Variants in KLRF2 observed in about 807,000 individuals in gnomAD.
The protein encoded by KLRF2 is killer cell lectin-like receptor subfamily F member 2.
In KLRF2, 28 loss-of-function variants were observed where a neutral mutation model predicts 25.3. The ratio of observed to expected loss-of-function variants is 1.11; its 90% confidence interval spans 0.82 to 1.52. The LOEUF is 1.52. Among genes scored for constraint, KLRF2 ranks in the 40% most tolerant of loss-of-function variants. The pLI is 0.00. For synonymous variants in KLRF2, 73 were observed against 85.0 expected (o/e 0.86, Z 0.78); for missense variants, 265 against 245.8 (o/e 1.08, Z -0.52).
At position 9,888,102 on chromosome 12, in the gene KLRF2, A is replaced by G. The variant is rs546228447; in HGVS notation, c.170-631A>G. ...TAAGAATAGTAATAAAAATGAAAAA[A>G]AAAAAGAAAACAGAATGTCAATTAA... On this transcript the variant is annotated intron_variant, in intron 2 of 5. Transcript: ENST00000535540. Among the ~76,000 whole-genome samples the G allele has an allele frequency of 6.7e-3, 1,020 of 151,288 alleles. 9 individuals carry two copies. The highest frequency in any genetic ancestry group is 9.5e-3 in the Non-Finnish European group (645 of 67,846).
At chr12:9,882,789 C>CA (rs5796371) in intron 1 of KLRF2, among the ~76,000 whole-genome samples, 1 of 151,246 alleles carries the variant, frequency 6.6e-6, no homozygotes, top group Non-Finnish European at 1.5e-5. Context: ...TATAAAAAAA[C>CA]AAAAAAAATT....
Position 9,885,035 on chromosome 12 carries a change from GAGTAGTA to G in KLRF2, c.169+5_169+11del. ...AGGGATTGACCTGAAGTTCTGGCGT[GAGTAGTA>G]AATTTTTATTTATTTGAACATTTTC... On this transcript the variant is annotated splice_donor_5th_base_variant and intron_variant, in intron 2 of 5. Transcript: ENST00000535540. 6.8e-6 allele frequency: 8 copies of G among 1,173,002 alleles called. No homozygotes were observed. The highest frequency in any genetic ancestry group is 8.8e-6 in the Non-Finnish European group (8 of 912,824). 72.7% of individuals were successfully genotyped at this position (1,173,002 alleles called of 1,614,324 possible). A position where few individuals can be genotyped will look rare whatever the true frequency, so the allele number is the denominator to read the frequency against.
intron 1 of KLRF2, among the ~76,000 whole-genome samples, chr12:9,882,644 G>A (rs1292037391): frequency 6.6e-6 from 1 of 152,156 alleles, no homozygotes; most frequent in Non-Finnish European, 1.5e-5. Flanking sequence ...AGCTGGGTAT[G>A]GTGGCGTGTG....
intron 5 of KLRF2, among the ~76,000 whole-genome samples, chr12:9,894,851 T>C (rs935558253): frequency 6.6e-6 from 1 of 152,018 alleles, no homozygotes; most frequent in African/African-American, 2.4e-5. Flanking sequence ...CTAATTTTTA[T>C]TATAATTAAT....
intron 2 of KLRF2, among the ~76,000 whole-genome samples, chr12:9,885,386 C>T (rs1020039581): frequency 6.6e-6 from 1 of 151,562 alleles, no homozygotes; most frequent in Non-Finnish European, 1.5e-5. Flanking sequence ...GGTAGACTTC[C>T]AGACTTTTTT....
At chr12:9,887,497 A>T (rs893038482) in intron 2 of KLRF2, among the ~76,000 whole-genome samples, 13 of 152,176 alleles carry the variant, frequency 8.5e-5, no homozygotes, top group African/African-American at 3.1e-4. Context: ...TAATCAAGTA[A>T]ATATTTTTTC....
chr12:9,890,423 T>G (rs971609197), intron 3 of KLRF2, among the ~76,000 whole-genome samples: 5 of 152,332 alleles, frequency 3.3e-5, no homozygotes, highest in South Asian at 4.1e-4. Context: ...AAGCTCTCTC[T>G]TACGGTGTTG....
rs59382110 is a variant in KLRF2, at chr12:9,888,054, C to CAA, written c.170-660_170-659dup. Reference sequence around the variant, plus strand: ...TAGGTGACAAAGCCAGACCCTGTGTCAAAAAAAAAAAAAAAAAAAAGTTAA... The same window carrying CAA: ...TAGGTGACAAAGCCAGACCCTGTGTCAAAAAAAAAAAAAAAAAAAAAAGTTAA... On this transcript the variant is annotated intron_variant, in intron 2 of 5. Transcript: ENST00000535540. 1.6e-3 allele frequency among the ~76,000 whole-genome samples: 102 copies of CAA among 65,482 alleles called. 4 individuals carry two copies. Among genetic ancestry groups the CAA allele is most frequent in the African/African-American group, 5.5e-3 (75 of 13,684 alleles). The allele number at this position is 65,482 out of a possible 152,430, so 43.0% of individuals were successfully genotyped here.
chr12:9,887,023 A>G (rs1174213944), intron 2 of KLRF2, among the ~76,000 whole-genome samples: 1 of 152,190 alleles, frequency 6.6e-6, no homozygotes, highest in Non-Finnish European at 1.5e-5. Context: ...GAAAAAAAAC[A>G]TAAATAAATA....
chr12:9,883,357 G>A (rs1203971338), intron 1 of KLRF2, among the ~76,000 whole-genome samples: 2 of 152,184 alleles, frequency 1.3e-5, no homozygotes, highest in Non-Finnish European at 2.9e-5. Flanking sequence ...ATAGCCCTGT[G>A]TAAGCCAATG....
chr12:9,881,781 G>A (rs1223059340), intron 1 of KLRF2, 116 bp downstream of exon 1: 6 of 782,602 alleles, frequency 7.7e-6, no homozygotes, highest in Non-Finnish European at 1.2e-5. Context: ...ATATAAAAAT[G>A]GTCATAAATT....
chr12:9,889,035 T>C (rs1417571846), intron 3 of KLRF2, among the ~76,000 whole-genome samples: 1 of 152,190 alleles, frequency 6.6e-6, no homozygotes, highest in Non-Finnish European at 1.5e-5. Context: ...ATAGTGGATT[T>C]CCTGCCATAC....
chr12:9,886,742 G>A (rs1220602097), intron 2 of KLRF2, among the ~76,000 whole-genome samples: 1 of 145,660 alleles, frequency 6.9e-6, no homozygotes, highest in Non-Finnish European at 1.5e-5. Flanking sequence ...TTTACACAGT[G>A]GATTTTGCCC....
At position 9,893,080 on chromosome 12, in the gene KLRF2, C is replaced by T. The variant is rs192769469; in HGVS notation, c.278C>T (p.Ser93Leu). Reference protein sequence around the residue: ...LLNEGKCYWFSTSFKTWKESQ... With the variant: ...LLNEGKCYWFLTSFKTWKESQ... Reference sequence around the variant, plus strand: ...AACGAAGGGAAATGTTACTGGTTTTCAACTTCTTTTAAAACGTGGAAAGAG... The same window carrying T: ...AACGAAGGGAAATGTTACTGGTTTTTAACTTCTTTTAAAACGTGGAAAGAG... Residue 93 changes from serine to leucine, a missense_variant, in exon 4 of 6, where the codon TCA becomes TTA. Coordinates refer to ENST00000535540, the MANE Select transcript of KLRF2 (RefSeq NM_001190765.1). 8.2e-4 allele frequency: 1,263 copies of T among 1,535,468 alleles called. No homozygotes were observed. Among genetic ancestry groups the T allele is most frequent in the Middle Eastern group, 2.3e-3 (14 of 5,988 alleles).
rs1318162512 is a variant in KLRF2, at chr12:9,893,041, A to G, written c.239A>G (p.Asn80Ser). 6.5e-7 allele frequency: 1 copy of G among 1,535,690 alleles called. No individual in the cohort carries two copies. Among genetic ancestry groups the G allele is most frequent in the Admixed American group, 2.0e-5 (1 of 51,000 alleles). ...TTAGGACACAATTACTTGTGCCCAA[A>G]TGACTGGCTGTTGAACGAAGGGAAA... ...SLSGHNYLCP[N>S]DWLLNEGKCY... The change falls in exon 4 of 6, where the codon AAT becomes AGT. Residue 80 changes from asparagine (N) to serine (S), a missense_variant. Coordinates refer to ENST00000535540, the MANE Select transcript of KLRF2 (RefSeq NM_001190765.1).
chr12:9,885,296 G>C (rs1344193452), intron 2 of KLRF2, among the ~76,000 whole-genome samples: 1 of 149,846 alleles, frequency 6.7e-6, no homozygotes, highest in Non-Finnish European at 1.5e-5. Context: ...AAAAGAGTAT[G>C]TGCTCATTGG....
chr12:9,884,793 T>C, intron 1 of KLRF2, 141 bp from the exon 2 acceptor site: 1 of 371,964 alleles, frequency 2.7e-6, no homozygotes, highest in Non-Finnish European at 4.8e-6. Context: ...GATTCTAGAC[T>C]TTTTATTTTT....
chr12:9,894,422 A>G (rs550066728), intron 5 of KLRF2, among the ~76,000 whole-genome samples: 5 of 152,038 alleles, frequency 3.3e-5, no homozygotes, highest in East Asian at 1.9e-4. Flanking sequence ...AGCTCAAACT[A>G]TCACCCACCT....
At chr12:9,890,006 ATCT>A (rs1276759456) in intron 3 of KLRF2, among the ~76,000 whole-genome samples, 2 of 152,136 alleles carry the variant, frequency 1.3e-5, no homozygotes, top group African/African-American at 2.4e-5. Context: ...TGTATAATAA[ATCT>A]TCTTGTACCT....
Sources: allele counts gnomAD v4.1 joint callset (sites outside exome capture counted in the v4.1 genomes callset), GRCh38; gene constraint gnomAD v4.1.1; transcripts MANE v1.5; gene names NCBI Gene and HGNC (gene_info 2026-07-23, HGNC 2026-07-21).